Variants in SOX5 observed in about 807,000 individuals in gnomAD.
SOX5 encodes SRY-box transcription factor 5.
A neutral mutation model predicts 92.0 loss-of-function variants in SOX5; 9 were observed. That is an observed-to-expected ratio of 0.10 (90% CI 0.06 to 0.17). The LOEUF is 0.17. Among genes scored for constraint, SOX5 ranks in the 10% least tolerant of loss-of-function variants. SOX5 has a pLI of 1.00. For synonymous variants in SOX5, 344 were observed against 336.3 expected, an observed-to-expected ratio of 1.02 and a Z score of -0.25; for missense variants, 642 against 944.5, an observed-to-expected ratio of 0.68 and a Z score of 4.20.
At chr12:23,733,568 C>T (rs1332652682) in intron 6 of SOX5, among the ~76,000 whole-genome samples, 1 of 152,038 alleles carries the variant, frequency 6.6e-6, no homozygotes, top group East Asian at 1.9e-4. Flanking sequence ...TCATTAAAAT[C>T]CCAGGTAGAA....
At chr12:24,171,533 C>G (rs1294710414) in intron 4 of SOX5, among the ~76,000 whole-genome samples, 1 of 152,066 alleles carries the variant, frequency 6.6e-6, no homozygotes, top group Non-Finnish European at 1.5e-5. Flanking sequence ...AGCCAACAGA[C>G]AGTTTTTAAA....
chr12:24,508,973 G>C (rs966697220), intron 1 of SOX5, among the ~76,000 whole-genome samples: 3 of 152,118 alleles, frequency 2.0e-5, no homozygotes, highest in Non-Finnish European at 2.9e-5. Flanking sequence ...AAGAAAGTTC[G>C]GAAATTGCCC....
intron 4 of SOX5, among the ~76,000 whole-genome samples, chr12:24,115,531 C>T (rs1246354331): frequency 6.6e-6 from 1 of 152,072 alleles, no homozygotes; most frequent in African/African-American, 2.4e-5. Context: ...AAATGGGAGA[C>T]CCCAAGGAGG....
chr12:24,088,728 T>C (rs757654614), intron 4 of SOX5, among the ~76,000 whole-genome samples: 3 of 152,064 alleles, frequency 2.0e-5, no homozygotes, highest in Non-Finnish European at 4.4e-5. Flanking sequence ...TCATCTTATT[T>C]CTAAATCAAT....
At chr12:24,044,471 G>A (rs1298006131) in intron 4 of SOX5, among the ~76,000 whole-genome samples, 1 of 152,138 alleles carries the variant, frequency 6.6e-6, no homozygotes, top group Non-Finnish European at 1.5e-5. Flanking sequence ...CTCACGATAA[G>A]GCAGGATCTT....
intron 4 of SOX5, among the ~76,000 whole-genome samples, chr12:23,994,577 A>AT (rs1411124167): frequency 6.6e-6 from 1 of 152,096 alleles, no homozygotes; most frequent in Non-Finnish European, 1.5e-5. Context: ...TTTCTCCGTA[A>AT]TTTTGCCCTA....
chr12:23,705,257 A>G (rs956604565), intron 6 of SOX5, among the ~76,000 whole-genome samples: 2 of 152,016 alleles, frequency 1.3e-5, no homozygotes, highest in Admixed American at 6.6e-5. Context: ...GCAACGTTTA[A>G]TACTTCACAG....
chr12:23,941,855 AAAGG>A (rs1362467982), intron 1 of SOX5, among the ~76,000 whole-genome samples: 2 of 151,584 alleles, frequency 1.3e-5, no homozygotes, highest in African/African-American at 4.8e-5. Flanking sequence ...AGATAAGAAA[AAAGG>A]AAGGAAATAT....
At chr12:24,048,269 G>C (rs547430466) in intron 4 of SOX5, among the ~76,000 whole-genome samples, 1 of 152,242 alleles carries the variant, frequency 6.6e-6, no homozygotes, top group East Asian at 1.9e-4. Flanking sequence ...TTCATACGTG[G>C]TGAAGTTGGG....
intron 1 of SOX5, among the ~76,000 whole-genome samples, chr12:24,419,129 T>C (rs576059367): frequency 1.5e-4 from 23 of 148,438 alleles, no homozygotes; most frequent in African/African-American, 5.7e-4. Flanking sequence ...AGAAGAAAGA[T>C]TTTTTTTTTT....
chr12:23,845,636 C>A (rs1227340713), intron 3 of SOX5, among the ~76,000 whole-genome samples: 2 of 126,666 alleles, frequency 1.6e-5, no homozygotes, highest in Non-Finnish European at 3.2e-5. Flanking sequence ...CTACATTAAT[C>A]CTCAAGGGAA....
chr12:23,979,195 T>G (rs1220073141), intron 4 of SOX5, among the ~76,000 whole-genome samples: 3 of 152,108 alleles, frequency 2.0e-5, no homozygotes, highest in Non-Finnish European at 4.4e-5. Context: ...TCTAGGACTT[T>G]AAAATGGTAA....
chr12:23,915,713 T>A (rs1199995678), intron 1 of SOX5, among the ~76,000 whole-genome samples: 4 of 152,112 alleles, frequency 2.6e-5, no homozygotes, highest in Non-Finnish European at 2.9e-5. Context: ...ATAAAAGAAA[T>A]TCCCACCATG....
At chr12:24,296,063 T>C (rs1183226168) in intron 2 of SOX5, among the ~76,000 whole-genome samples, 1 of 152,196 alleles carries the variant, frequency 6.6e-6, no homozygotes, top group African/African-American at 2.4e-5. Context: ...GAACAAAAAA[T>C]TAAATCTGAG....
At chr12:23,985,636 G>A (rs971255104) in intron 4 of SOX5, among the ~76,000 whole-genome samples, 5 of 151,028 alleles carry the variant, frequency 3.3e-5, no homozygotes, top group African/African-American at 9.8e-5. Context: ...AACATATCTA[G>A]TACCCTTTCT....
intron 4 of SOX5, among the ~76,000 whole-genome samples, chr12:24,019,010 G>A (rs1461806172): frequency 2.6e-5 from 4 of 152,138 alleles, no homozygotes; most frequent in Middle Eastern, 3.4e-3. Context: ...GTCTCACTCT[G>A]TCACCCAAGC....
chr12:23,616,793 G>A (rs2076606672), intron 8 of SOX5, among the ~76,000 whole-genome samples: 1 of 151,992 alleles, frequency 6.6e-6, no homozygotes, highest in Non-Finnish European at 1.5e-5. Flanking sequence ...AGTGGACAAA[G>A]GCCTCAAAAG....
chr12:23,689,222 T>C (rs1415393340), intron 6 of SOX5, among the ~76,000 whole-genome samples: 3 of 152,152 alleles, frequency 2.0e-5, no homozygotes, highest in African/African-American at 4.8e-5. Flanking sequence ...CCTACGGGTA[T>C]AGTTAAATTC....
chr12:23,661,960 A>C (rs1389024022), intron 7 of SOX5, among the ~76,000 whole-genome samples: 33 of 152,176 alleles, frequency 2.2e-4, no homozygotes, highest in Admixed American at 2.2e-3. Flanking sequence ...GTGTGTGTTT[A>C]CGTATAACAG....
Sources: allele counts gnomAD v4.1 joint callset (sites outside exome capture counted in the v4.1 genomes callset), GRCh38; gene constraint gnomAD v4.1.1; transcripts MANE v1.5; gene names NCBI Gene and HGNC (gene_info 2026-07-23, HGNC 2026-07-21).